CFTR: variants seen among roughly 807,000 people sequenced by gnomAD.
CFTR encodes the protein cystic fibrosis transmembrane conductance regulator.
A neutral mutation model predicts 171.6 loss-of-function variants in CFTR; 181 were observed. That is an observed-to-expected ratio of 1.05 (90% CI 0.93 to 1.19). The LOEUF (loss-of-function observed/expected upper bound fraction) is 1.19, where lower values mean the gene tolerates loss of function less well. Among genes scored for constraint, CFTR ranks in the 50% most tolerant of loss-of-function variants. CFTR has a pLI of 0.00. For missense variants in CFTR, 1,968 were observed against 1,734.7 expected, an observed-to-expected ratio of 1.13 and a Z score of -2.39; for synonymous variants, 583 against 608.0, an observed-to-expected ratio of 0.96 and a Z score of 0.60.
At chr7:117,583,121 T>C (rs1791873473) in intron 11 of CFTR, among the ~76,000 whole-genome samples, 1 of 152,318 alleles carries the variant, frequency 6.6e-6, no homozygotes, top group Admixed American at 6.5e-5. Context: ...TATAATGAAA[T>C]TGCATTTGTA....
intron 22 of CFTR, among the ~76,000 whole-genome samples, chr7:117,630,716 T>G (rs1012348738): frequency 6.6e-6 from 1 of 152,190 alleles, no homozygotes; most frequent in Admixed American, 6.5e-5. Context: ...ACGGTGGGCA[T>G]GCCCAGACAA....
intron 11 of CFTR, among the ~76,000 whole-genome samples, chr7:117,582,280 C>T (rs1332979003): frequency 2.0e-5 from 3 of 152,092 alleles, no homozygotes; most frequent in African/African-American, 7.2e-5. Flanking sequence ...GACCAGGGTT[C>T]AAATTCTGGG....
rs1484039409 is a variant in CFTR, at chr7:117,536,593, A to G, written c.789A>G (p.Ser263=). Residue 263 remains serine, a synonymous_variant, in exon 7 of 27, where the codon TCA becomes TCG. Transcript: ENST00000003084. ...GKISERLVIT[S]EMIENIQSVK... is the part of the protein sequence containing the mutation. ...TCAGTGAAAGACTTGTGATTACCTC[A>G]GAAATGATTGAAAATATCCAATCTG... The G allele has an allele frequency of 6.2e-7, 1 of 1,607,468 alleles. No homozygotes were observed. The highest frequency in any genetic ancestry group is 1.3e-5 in the African/African-American group (1 of 74,860).
At chr7:117,654,155 G>A (rs907963593) in intron 24 of CFTR, among the ~76,000 whole-genome samples, 1 of 152,116 alleles carries the variant, frequency 6.6e-6, no homozygotes, top group Non-Finnish European at 1.5e-5. Context: ...CCACACCTAT[G>A]GCTCCCTGAG....
At chr7:117,641,212 C>T (rs1490518926) in intron 22 of CFTR, among the ~76,000 whole-genome samples, 1 of 152,016 alleles carries the variant, frequency 6.6e-6, no homozygotes, top group African/African-American at 2.4e-5. Context: ...TAGTTTATTA[C>T]CAGATTGCAA....
chr7:117,563,721 A>C (rs1791553166), intron 11 of CFTR, among the ~76,000 whole-genome samples: 1 of 152,210 alleles, frequency 6.6e-6, no homozygotes, highest in Non-Finnish European at 1.5e-5. Context: ...GAGGTTTAAT[A>C]AATAATTGTT....
At chr7:117,500,285 T>TC (rs2116629607) in intron 1 of CFTR, among the ~76,000 whole-genome samples, 1 of 111,868 alleles carries the variant, frequency 8.9e-6, no homozygotes, top group African/African-American at 3.4e-5. Flanking sequence ...TTTCTTTTTT[T>TC]TTTTTTTTTT....
intron 3 of CFTR, among the ~76,000 whole-genome samples, chr7:117,513,906 G>A (rs1235959343): frequency 1.3e-5 from 2 of 152,114 alleles, no homozygotes; most frequent in Non-Finnish European, 2.9e-5. Flanking sequence ...GCACTTTCTT[G>A]TGCTGCCTAC....
Position 117,660,176 on chromosome 7 carries a change from A to C in CFTR, c.3964-4512A>C, listed in dbSNP as rs1039455871. Among the ~76,000 whole-genome samples the C allele has an allele frequency of 6.6e-5, 10 of 152,220 alleles. No individual in the cohort carries two copies. In the East Asian group the frequency reaches 9.6e-4, roughly 15 times the overall value. ...AGTTCTTTATATCTACAAACTGTTG[A>C]TGTTTTCATTTATTTATTTTTAATG... On this transcript the variant is annotated intron_variant, in intron 24 of 26. Transcript: ENST00000003084.
intron 3 of CFTR, among the ~76,000 whole-genome samples, chr7:117,514,454 C>A (rs1263384270): frequency 1.3e-5 from 2 of 152,098 alleles, no homozygotes; most frequent in Non-Finnish European, 2.9e-5. Flanking sequence ...TGATAGTTTC[C>A]AGCTTCATCC....
intron 20 of CFTR, among the ~76,000 whole-genome samples, chr7:117,613,585 G>A (rs1792437274): frequency 6.6e-6 from 1 of 152,138 alleles, no homozygotes; most frequent in East Asian, 1.9e-4. Context: ...AATGTTATCT[G>A]ACTTATTATT....
chr7:117,615,431 A>G (rs1792471011), intron 21 of CFTR, among the ~76,000 whole-genome samples: 2 of 151,994 alleles, frequency 1.3e-5, no homozygotes, highest in Admixed American at 1.3e-4. Context: ...CTTGATTAAG[A>G]ACTCCTTCCT....
chr7:117,619,616 T>C (rs990777917), intron 21 of CFTR, among the ~76,000 whole-genome samples: 1 of 151,398 alleles, frequency 6.6e-6, no homozygotes, highest in African/African-American at 2.4e-5. Context: ...TGCCTAATTC[T>C]GAGCATGTGA....
chr7:117,612,071 T>TA (rs1554392458), intron 20 of CFTR, among the ~76,000 whole-genome samples: 8 of 84,938 alleles, frequency 9.4e-5, no homozygotes, highest in Non-Finnish European at 2.1e-4. Flanking sequence ...ATATATAGTA[T>TA]TATCCCTGTT....
At chr7:117,581,035 C>T (rs1003293303) in intron 11 of CFTR, among the ~76,000 whole-genome samples, 4 of 152,004 alleles carry the variant, frequency 2.6e-5, no homozygotes, top group Non-Finnish European at 4.4e-5. Flanking sequence ...TCCCTCAATT[C>T]GTTTATAAGG....
At chr7:117,639,000 G>C (rs1792871945) in intron 22 of CFTR, among the ~76,000 whole-genome samples, 1 of 151,830 alleles carries the variant, frequency 6.6e-6, no homozygotes, top group Non-Finnish European at 1.5e-5. Flanking sequence ...TGCCCTTCTT[G>C]GGGGGGAAAA....
At chr7:117,586,013 C>T (rs1344131063) in intron 11 of CFTR, among the ~76,000 whole-genome samples, 3 of 152,204 alleles carry the variant, frequency 2.0e-5, no homozygotes, top group Non-Finnish European at 2.9e-5. Flanking sequence ...AAGAAATACA[C>T]ACACGAGCTG....
At chr7:117,647,530 G>A (rs1297993951) in intron 23 of CFTR, 10 of 151,852 alleles carry the variant, frequency 6.6e-5, no homozygotes, top group East Asian at 2.0e-4. Flanking sequence ...TGAGAACAGC[G>A]CCAAGAGGAT....
intron 1 of CFTR, among the ~76,000 whole-genome samples, chr7:117,483,398 GGACTTGCTTCCAAGT>G (rs1471208181): frequency 7.9e-5 from 12 of 151,826 alleles, no homozygotes; most frequent in African/African-American, 2.9e-4. Flanking sequence ...CTGGTCTCTT[GGACTTGCTTCCAAGT>G]GACTTTTGAC....
Sources: allele counts gnomAD v4.1 joint callset (sites outside exome capture counted in the v4.1 genomes callset), GRCh38; gene constraint gnomAD v4.1.1; transcripts MANE v1.5; gene names NCBI Gene and HGNC (gene_info 2026-07-23, HGNC 2026-07-21).